The following PTK2 variants were observed in gnomAD, a reference collection of about 807,000 sequenced individuals.
PTK2 encodes the protein protein tyrosine kinase 2.
PTK2 carries 45 observed loss-of-function variants against 150.1 expected under a neutral mutation model. The ratio of observed to expected loss-of-function variants is 0.30; its 90% CI spans 0.24 to 0.38. The LOEUF (loss-of-function observed/expected upper bound fraction) is 0.38, where lower values mean the gene tolerates loss of function less well. Ranked by LOEUF, PTK2 falls within the 10% of genes least tolerant of loss-of-function variation. The pLI is 1.00. For synonymous variants in PTK2, 432 were observed against 449.2 expected (o/e 0.96, Z 0.48); for missense variants, 919 against 1,307.3 (o/e 0.70, Z 4.58).
chr8:140,926,912 T>G (rs2100169662), intron 1 of PTK2, among the ~76,000 whole-genome samples: 1 of 152,242 alleles, frequency 6.6e-6, no homozygotes, highest in Non-Finnish European at 1.5e-5. Context: ...TTTTACGGAC[T>G]CTAATTAATG....
rs376608945 is a variant in PTK2 at position 140,680,490 on chromosome 8, G to A, written c.2563-4991C>T. Among the ~76,000 whole-genome samples, 15 of 152,204 alleles carry A rather than the reference G, an allele frequency of 9.9e-5. No individual in the cohort carries two copies. In the East Asian group the frequency reaches 2.9e-3, roughly 29 times the overall value. ...GGTGATCCACCGCTCCTGGCCACAA[G>A]TTCTTATTAATAAAGCAGTTCTGCA... On this transcript the variant is annotated intron_variant, in intron 27 of 31. Transcript: ENST00000522684.
intron 31 of PTK2, 120 bp from the exon 36 acceptor site, chr8:140,659,798 T>A: frequency 1.2e-6 from 1 of 864,344 alleles, no homozygotes; most frequent in Non-Finnish European, 1.8e-6. Context: ...CAAGGAATCT[T>A]CCTGCCTCAG....
chr8:140,913,516 G>A (rs764874557), intron 2 of PTK2, among the ~76,000 whole-genome samples: 2 of 151,938 alleles, frequency 1.3e-5, no homozygotes, highest in East Asian at 1.9e-4. Flanking sequence ...GGCTGGTCTC[G>A]AACTCCTGGC....
At chr8:140,701,998 C>T (rs1198249941) in intron 25 of PTK2, among the ~76,000 whole-genome samples, 1 of 151,340 alleles carries the variant, frequency 6.6e-6, no homozygotes, top group Non-Finnish European at 1.5e-5. Context: ...CGTGGTGGCT[C>T]GCACTTGTAA....
chr8:140,862,148 A>G (rs1295832699), intron 5 of PTK2, among the ~76,000 whole-genome samples: 1 of 152,218 alleles, frequency 6.6e-6, no homozygotes, highest in Non-Finnish European at 1.5e-5. Context: ...AGGTTAGCCT[A>G]GAAATTATAA....
intron 15 of PTK2, among the ~76,000 whole-genome samples, chr8:140,763,800 T>C (rs2100070686): frequency 6.6e-6 from 1 of 152,106 alleles, no homozygotes; most frequent in Non-Finnish European, 1.5e-5. Flanking sequence ...AGGGGGAAAA[T>C]GCAAATTTTT....
intron 23 of PTK2, among the ~76,000 whole-genome samples, chr8:140,713,244 T>C (rs1191858434): frequency 6.6e-6 from 1 of 152,230 alleles, no homozygotes; most frequent in Non-Finnish European, 1.5e-5. Context: ...GCAGCTCTAT[T>C]AGCGGAAAAG....
intron 14 of PTK2, among the ~76,000 whole-genome samples, chr8:140,768,788 C>T (rs149371822): frequency 6.6e-6 from 1 of 152,284 alleles, no homozygotes; most frequent in Admixed American, 6.5e-5. Context: ...AATCTCTGAC[C>T]TCAAATCCTG....
chr8:140,664,864 T>C, intron 31 of PTK2, 53 bp downstream of exon 35: 1 of 1,548,172 alleles, frequency 6.5e-7, no homozygotes, highest in Non-Finnish European at 8.9e-7. Context: ...TCCCTGAATG[T>C]GTCCCTGCCC....
chr8:140,787,159 A>G (rs1396766054), intron 14 of PTK2, among the ~76,000 whole-genome samples: 1 of 152,234 alleles, frequency 6.6e-6, no homozygotes, highest in Non-Finnish European at 1.5e-5. Context: ...GTACTGAAGT[A>G]TGAACTCCTA....
At chr8:140,709,046 T>G (rs562051981) in intron 23 of PTK2, among the ~76,000 whole-genome samples, 5 of 152,104 alleles carry the variant, frequency 3.3e-5, no homozygotes, top group Non-Finnish European at 5.9e-5. Context: ...ATTTGATAAT[T>G]TTGATCACCA....
At chr8:140,989,049 T>C (rs537804829) in intron 1 of PTK2, among the ~76,000 whole-genome samples, 12 of 151,850 alleles carry the variant, frequency 7.9e-5, no homozygotes, top group African/African-American at 2.9e-4. Flanking sequence ...ACTGATAAAC[T>C]GGACTACATT....
At chr8:140,912,397 G>C (rs1053968125) in intron 2 of PTK2, among the ~76,000 whole-genome samples, 1 of 152,118 alleles carries the variant, frequency 6.6e-6, no homozygotes, top group Non-Finnish European at 1.5e-5. Context: ...AGGAGGCTGA[G>C]GCAGCAGGAC....
chr8:140,734,717 A>C (rs747693978), intron 22 of PTK2: 1 of 517,472 alleles, frequency 1.9e-6, no homozygotes, highest in Non-Finnish European at 3.9e-6. Flanking sequence ...GCAAAGGAGT[A>C]ATTCTCTCTT....
At chr8:140,973,516 G>A (rs1007586689) in intron 1 of PTK2, among the ~76,000 whole-genome samples, 1 of 151,540 alleles carries the variant, frequency 6.6e-6, no homozygotes, top group South Asian at 2.1e-4. Context: ...AAAAAAAGCA[G>A]CAGAAAAGTT....
chr8:140,925,930 T>C (rs1256674247), intron 1 of PTK2, among the ~76,000 whole-genome samples, 181 bp from the exon 2 acceptor site: 1 of 152,252 alleles, frequency 6.6e-6, no homozygotes, highest in African/African-American at 2.4e-5. Context: ...ACCAGGTAGA[T>C]GCTAACTCTG....
chr8:140,778,936 T>G (rs538038093), intron 14 of PTK2, among the ~76,000 whole-genome samples: 10 of 143,758 alleles, frequency 7.0e-5, no homozygotes, highest in Non-Finnish European at 9.3e-5. Context: ...GAAAGAGAAA[T>G]AGCAGACAGC....
intron 1 of PTK2, among the ~76,000 whole-genome samples, chr8:140,987,044 C>T (rs1037463029): frequency 1.3e-5 from 2 of 152,108 alleles, no homozygotes; most frequent in African/African-American, 4.8e-5. Flanking sequence ...ATAATTTATG[C>T]TCTTCAAGCC....
At chr8:140,907,666 T>C (rs1017987596) in intron 2 of PTK2, among the ~76,000 whole-genome samples, 7 of 152,230 alleles carry the variant, frequency 4.6e-5, no homozygotes, top group African/African-American at 1.7e-4. Flanking sequence ...CCAAATGTGC[T>C]ACATTTTGGT....
Sources: allele counts gnomAD v4.1 joint callset (sites outside exome capture counted in the v4.1 genomes callset), GRCh38; gene constraint gnomAD v4.1.1; transcripts MANE v1.5; gene names NCBI Gene and HGNC (gene_info 2026-07-23, HGNC 2026-07-21).